SHANK2: variants seen among roughly 807,000 people sequenced by gnomAD.
The protein encoded by SHANK2 is SH3 and multiple ankyrin repeat domains protein 2.
Under a neutral mutation model 133.7 loss-of-function variants are expected in SHANK2, and 43 were observed. The observed-to-expected ratio is 0.32, with a 90% CI of 0.25 to 0.41. The LOEUF is 0.41. Ranked by LOEUF, SHANK2 falls within the 10% of genes least tolerant of loss-of-function variation. The pLI is 1.00. For synonymous variants in SHANK2, 1,017 were observed against 952.8 expected (o/e 1.07, Z -1.24); for missense variants, 1,994 against 2,235.8 (o/e 0.89, Z 2.18).
At chr11:70,822,306 T>C (rs1385490004) in intron 11 of SHANK2, among the ~76,000 whole-genome samples, 1 of 152,246 alleles carries the variant, frequency 6.6e-6, no homozygotes, top group African/African-American at 2.4e-5. Context: ...AGAAAACACG[T>C]GTCCTCCCTG....
At chr11:70,571,441 A>G (rs1554983055) in intron 17 of SHANK2, 1 of 152,230 alleles carries the variant, frequency 6.6e-6, no homozygotes, top group Non-Finnish European at 1.5e-5. Context: ...CAGGTCCTGG[A>G]TACTTGGATA....
intron 15 of SHANK2, among the ~76,000 whole-genome samples, chr11:70,696,957 G>A (rs782303531): frequency 6.6e-6 from 1 of 152,198 alleles, no homozygotes; most frequent in Non-Finnish European, 1.5e-5. Flanking sequence ...ATCCAGACAC[G>A]CTACAACACG....
chr11:71,067,011 G>A (rs1343797088), intron 9 of SHANK2, among the ~76,000 whole-genome samples: 6 of 152,306 alleles, frequency 3.9e-5, no homozygotes, highest in African/African-American at 7.2e-5. Flanking sequence ...ATTTACTAAC[G>A]GAGCGGCCTT....
intron 10 of SHANK2, among the ~76,000 whole-genome samples, chr11:70,920,620 A>G (rs552688497): frequency 1.2e-4 from 18 of 152,340 alleles, no homozygotes; most frequent in Admixed American, 1.1e-3. Flanking sequence ...ATTATTCCAA[A>G]TGTCTCTCAA....
At chr11:71,177,079 A>C (rs1411145924) in intron 2 of SHANK2, among the ~76,000 whole-genome samples, 1 of 152,250 alleles carries the variant, frequency 6.6e-6, no homozygotes, top group African/African-American at 2.4e-5. Flanking sequence ...AAACGAAAAA[A>C]GTCAAACTAG....
intron 11 of SHANK2, among the ~76,000 whole-genome samples, chr11:70,878,788 C>G (rs1054136969): frequency 6.6e-6 from 1 of 152,208 alleles, no homozygotes; most frequent in Non-Finnish European, 1.5e-5. Flanking sequence ...AAGCAGCTCC[C>G]TTCCCACTAA....
intron 14 of SHANK2, among the ~76,000 whole-genome samples, chr11:70,787,905 A>G (rs1947704703): frequency 6.6e-6 from 1 of 152,184 alleles, no homozygotes; most frequent in Non-Finnish European, 1.5e-5. Context: ...CTCGTGTCAA[A>G]TGGACTAACA....
chr11:71,169,035 T>C (rs1316772057), intron 2 of SHANK2, among the ~76,000 whole-genome samples: 2 of 152,142 alleles, frequency 1.3e-5, no homozygotes, highest in Non-Finnish European at 2.9e-5. Flanking sequence ...TGCCATTTCT[T>C]TAAATGGCAA....
chr11:70,887,217 C>A (rs1555073714), intron 11 of SHANK2, among the ~76,000 whole-genome samples: 3 of 152,206 alleles, frequency 2.0e-5, no homozygotes, highest in African/African-American at 7.2e-5. Flanking sequence ...TATGGCAAAG[C>A]TTTTATAACC....
At chr11:70,586,428 T>C (rs57376649) in intron 17 of SHANK2, among the ~76,000 whole-genome samples, 30,370 of 152,040 alleles carry the variant, frequency 0.2, 3,441 homozygotes, top group African/African-American at 0.3. Flanking sequence ...GGGTCACCTA[T>C]TGGCTTCTCT....
chr11:71,058,578 C>T (rs1384094664), intron 9 of SHANK2, among the ~76,000 whole-genome samples: 1 of 152,240 alleles, frequency 6.6e-6, no homozygotes, highest in Admixed American at 6.5e-5. Flanking sequence ...GTGCTTGTGC[C>T]TCGGCAGCAG....
chr11:70,584,079 C>T (rs377043057), intron 17 of SHANK2, among the ~76,000 whole-genome samples: 79 of 152,324 alleles, frequency 5.2e-4, no homozygotes, highest in African/African-American at 1.8e-3. Context: ...ATTCAATTAT[C>T]GGCCGTGATG....
intron 15 of SHANK2, among the ~76,000 whole-genome samples, chr11:70,667,335 A>C (rs1555015035): frequency 2.0e-5 from 3 of 152,034 alleles, no homozygotes; most frequent in African/African-American, 2.4e-5. Flanking sequence ...CTGCTCACCC[A>C]CGGTCCCACT....
At chr11:70,614,886 C>T (rs782118358) in intron 17 of SHANK2, among the ~76,000 whole-genome samples, 5 of 152,208 alleles carry the variant, frequency 3.3e-5, no homozygotes, top group Admixed American at 6.5e-5. Flanking sequence ...TCCCCATGGC[C>T]GTGTTAGAGG....
chr11:71,166,482 C>CT lies in SHANK2; in HGVS notation c.-12-19145dup, dbSNP rs1163239589. On this transcript the variant is annotated intron_variant, in intron 2 of 25. Transcript: ENST00000601538. ...CTTCCAATCCACACGTCTTTTTTTT[C>CT]TTTTCTTTTTTTTTTGAGATGGAGT... 8.6e-4 allele frequency among the ~76,000 whole-genome samples: 119 copies of CT among 139,058 alleles called. 3 individuals are homozygous for CT. The highest frequency in any genetic ancestry group is 2.8e-3 in the African/African-American group (103 of 37,136). 91.2% of individuals were successfully genotyped at this position (139,058 alleles called of 152,430 possible).
rs143948794 is a variant in SHANK2, at chr11:71,127,353, C to A, written c.208-8321G>T. Among the ~76,000 whole-genome samples the A allele has an allele frequency of 5.0e-3, 765 of 152,314 alleles. 4 individuals carry two copies. The highest frequency in any genetic ancestry group is 0.018 in the African/African-American group (744 of 41,560). On this transcript the variant is annotated intron_variant, in intron 3 of 25. Coordinates refer to ENST00000601538, the MANE Select transcript of SHANK2 (RefSeq NM_012309.5). ...CATAAACTCAGTGGATAAAGCAGTG[C>A]AGGGTTTGAGAAGATTTCATCCAAT...
At chr11:71,079,938 A>G (rs1951275730) in intron 8 of SHANK2, among the ~76,000 whole-genome samples, 4 of 134,752 alleles carry the variant, frequency 3.0e-5, no homozygotes, top group African/African-American at 8.4e-5. Flanking sequence ...AGGAGAGGAG[A>G]GGGAAGTGGG....
chr11:70,712,960 G>A (rs782317727), intron 14 of SHANK2, among the ~76,000 whole-genome samples: 6 of 152,242 alleles, frequency 3.9e-5, no homozygotes, highest in Non-Finnish European at 7.3e-5. Flanking sequence ...TGTGTCATCC[G>A]CCCTGCTCCT....
intron 1 of SHANK2, among the ~76,000 whole-genome samples, chr11:71,227,198 C>G (rs1954656406): frequency 6.6e-6 from 1 of 151,644 alleles, no homozygotes; most frequent in Admixed American, 6.6e-5. Context: ...ACATGAAAAC[C>G]TGAAATAACA....
Sources: allele counts gnomAD v4.1 joint callset (sites outside exome capture counted in the v4.1 genomes callset), GRCh38; gene constraint gnomAD v4.1.1; transcripts MANE v1.5; gene names NCBI Gene and HGNC (gene_info 2026-07-23, HGNC 2026-07-21).